The following GSE1 variants were observed in gnomAD, a reference collection of about 807,000 sequenced individuals.
GSE1 encodes Gse1 coiled-coil protein.
Under a neutral mutation model 112.6 loss-of-function variants are expected in GSE1, and 32 were observed. That is an observed-to-expected ratio of 0.28 (90% confidence interval 0.21 to 0.38). The LOEUF (loss-of-function observed/expected upper bound fraction) is 0.38. Among genes scored for constraint, GSE1 ranks in the 10% least tolerant of loss-of-function variants. The pLI, the probability that GSE1 is intolerant of heterozygous loss-of-function variation, is 1.00. For missense variants in GSE1, 2,348 were observed against 1,699.2 expected, an observed-to-expected ratio of 1.38 and a Z score of -6.71; for synonymous variants, 1,115 against 735.6, an observed-to-expected ratio of 1.52 and a Z score of -8.35.
intron 1 of GSE1, among the ~76,000 whole-genome samples, chr16:85,213,204 G>A (rs2075254669): frequency 6.7e-6 from 1 of 150,230 alleles, no homozygotes; most frequent in Non-Finnish European, 1.5e-5. Context: ...GGGAGGCAGA[G>A]GTTGCAGTGA....
At chr16:85,408,488 C>A (rs2048380148) in intron 2 of GSE1, among the ~76,000 whole-genome samples, 1 of 57,310 alleles carries the variant, frequency 1.7e-5, no homozygotes, top group African/African-American at 7.5e-5. Flanking sequence ...ACTCTCAGGG[C>A]ACCTGGATAA....
Position 85,384,279 on chromosome 16 carries a change from C to T in GSE1, c.2464+26636C>T, listed in dbSNP as rs540355135. Among the ~76,000 whole-genome samples the T allele has an allele frequency of 4.6e-5, 7 of 152,246 alleles. No homozygotes were observed. The East Asian group carries it at 9.7e-4, about 21-fold the overall frequency. On this transcript the variant is annotated intron_variant, in intron 2 of 2. Transcript: ENST00000637419. ...ACACGTGCCTTGCTCTGTGTGGGTG[C>T]GGCCGGGTGGCGAGCGGCCCATCCT...
intron 2 of GSE1, among the ~76,000 whole-genome samples, chr16:85,495,166 A>T (rs1417455417): frequency 1.3e-5 from 2 of 152,256 alleles, no homozygotes; most frequent in African/African-American, 4.8e-5. Context: ...AGAAAAGCTC[A>T]GGATGGCTGG....
At chr16:85,313,526 C>T (rs867020744) in intron 1 of GSE1, among the ~76,000 whole-genome samples, 3 of 152,190 alleles carry the variant, frequency 2.0e-5, no homozygotes, top group South Asian at 2.1e-4. Context: ...TACCACCCCC[C>T]ACCCCCCTGA....
chr16:85,540,479 C>T (rs1297621785), intron 2 of GSE1, among the ~76,000 whole-genome samples: 6 of 152,236 alleles, frequency 3.9e-5, no homozygotes, highest in African/African-American at 1.2e-4. Flanking sequence ...CCTTGACCCT[C>T]AAGGCCATAA....
intron 1 of GSE1, among the ~76,000 whole-genome samples, chr16:85,204,118 G>A (rs1287903052): frequency 6.6e-6 from 1 of 152,170 alleles, no homozygotes; most frequent in African/African-American, 2.4e-5. Flanking sequence ...CTGTTAAGCT[G>A]TCACTCCCCA....
intron 2 of GSE1, among the ~76,000 whole-genome samples, chr16:85,487,058 C>T (rs2050865283): frequency 6.6e-6 from 1 of 152,166 alleles, no homozygotes. Context: ...TTGGGCCATG[C>T]TGGAAGGCAA....
rs2053552720 is a variant in GSE1 at position 85,674,157 on chromosome 16, C to G, written c.*1618C>G. The G allele has an allele frequency of 6.6e-6, 1 of 152,320 alleles. No individual in the cohort carries two copies. The highest frequency in any genetic ancestry group is 1.5e-5 in the Non-Finnish European group (1 of 68,176). 9.4% of individuals were successfully genotyped at this position (152,320 alleles called of 1,614,324 possible). ...GGGGGGTGGAGGCCTGAGCTGAGGGCAGGGTGCCTGACCTGTGTGCCGGCT... is the reference window on the plus strand; with the variant it reads ...GGGGGGTGGAGGCCTGAGCTGAGGGGAGGGTGCCTGACCTGTGTGCCGGCT... On this transcript the variant is annotated 3_prime_UTR_variant, in exon 16 of 16. Coordinates refer to ENST00000253458, the MANE Select transcript of GSE1 (RefSeq NM_014615.5).
intron 2 of GSE1, among the ~76,000 whole-genome samples, chr16:85,422,049 A>G (rs1035856674): frequency 1.3e-5 from 2 of 151,938 alleles, no homozygotes; most frequent in Admixed American, 6.6e-5. Context: ...CCCACGGCCC[A>G]TGTACAGGAA....
intron 2 of GSE1, among the ~76,000 whole-genome samples, chr16:85,424,628 A>G (rs2048925685): frequency 6.6e-6 from 1 of 152,228 alleles, no homozygotes; most frequent in Non-Finnish European, 1.5e-5. Flanking sequence ...CTTTAAAACA[A>G]TCTAAAAGTA....
At chr16:85,248,746 T>C (rs770818007) in intron 1 of GSE1, among the ~76,000 whole-genome samples, 1 of 152,218 alleles carries the variant, frequency 6.6e-6, no homozygotes, top group African/African-American at 2.4e-5. Context: ...CTCCCCCCAT[T>C]GATACCAGCT....
intron 2 of GSE1, among the ~76,000 whole-genome samples, chr16:85,384,349 G>C (rs962857660): frequency 3.3e-5 from 5 of 152,176 alleles, no homozygotes; most frequent in Non-Finnish European, 7.3e-5. Flanking sequence ...GTGGCAGATG[G>C]GCCAAGGGCT....
chr16:85,581,285 C>T (rs915056521), intron 1 of GSE1, among the ~76,000 whole-genome samples: 1 of 152,176 alleles, frequency 6.6e-6, no homozygotes, highest in African/African-American at 2.4e-5. Flanking sequence ...GCCCCTTACC[C>T]ACCACCCAGG....
At chr16:85,245,117 G>T (rs1433054205) in intron 1 of GSE1, among the ~76,000 whole-genome samples, 1 of 152,142 alleles carries the variant, frequency 6.6e-6, no homozygotes, top group East Asian at 1.9e-4. Context: ...AGCTATGATT[G>T]TATCACTGTA....
chr16:85,352,157 C>T (rs942709726), intron 1 of GSE1, among the ~76,000 whole-genome samples: 5 of 152,166 alleles, frequency 3.3e-5, no homozygotes, highest in African/African-American at 1.2e-4. Flanking sequence ...TCTGTCTTCC[C>T]CCACACCCTC....
At chr16:85,437,715 C>T (rs758894032) in intron 2 of GSE1, among the ~76,000 whole-genome samples, 28 of 152,196 alleles carry the variant, frequency 1.8e-4, no homozygotes, top group Non-Finnish European at 3.8e-4. Flanking sequence ...CAATCTGCCT[C>T]CTAGTTACCT....
chr16:85,557,566 C>T lies in GSE1; in HGVS notation c.37+1203C>T, dbSNP rs1236102528. On this transcript the variant is annotated intron_variant, in intron 1 of 2. Coordinates refer to the GSE1 transcript ENST00000635906. ...GTGCACGTGGCCCGGTGTTCGGTTT[C>T]GGGTTTTTTTTTTTCCTCTGTTCAG... 2.7e-5 allele frequency among the ~76,000 whole-genome samples: 4 copies of T among 149,500 alleles called. 1 individual carries two copies. The highest frequency in any genetic ancestry group is 2.7e-4 in the Admixed American group (4 of 15,072).
At chr16:85,574,111 G>A (rs374119762) in intron 1 of GSE1, among the ~76,000 whole-genome samples, 13 of 152,344 alleles carry the variant, frequency 8.5e-5, no homozygotes, top group South Asian at 8.3e-4. Context: ...AGCCCCCGGA[G>A]CCTGAGTTTT....
intron 1 of GSE1, among the ~76,000 whole-genome samples, chr16:85,280,643 A>C (rs148784284): frequency 6.6e-6 from 1 of 152,048 alleles, no homozygotes; most frequent in African/African-American, 2.4e-5. Context: ...TGATCCGCCC[A>C]CCTCAGCCTC....
Sources: gnomAD v4.1 joint callset for allele counts (sites outside exome capture counted in the v4.1 genomes callset) on GRCh38, gnomAD v4.1.1 for gene constraint, MANE v1.5 for transcripts, NCBI Gene and HGNC (gene_info 2026-07-23, HGNC 2026-07-21) for gene names.